The following PARP8 variants were observed in gnomAD, a reference collection of about 807,000 sequenced individuals.
PARP8 encodes the protein poly(ADP-ribose) polymerase family member 8, also known as protein mono-ADP-ribosyltransferase PARP8.
A neutral mutation model predicts 124.1 loss-of-function variants in PARP8; 51 were observed. The observed-to-expected ratio is 0.41, with a 90% CI of 0.33 to 0.52. The LOEUF (loss-of-function observed/expected upper bound fraction) is 0.52. Among genes scored for constraint, PARP8 ranks in the 20% least tolerant of loss-of-function variants. The pLI, the probability that PARP8 is intolerant of heterozygous loss-of-function variation, is 0.21. For missense variants in PARP8, 860 were observed against 1,018.9 expected, an observed-to-expected ratio of 0.84 and a Z score of 2.12; for synonymous variants, 391 against 361.5, an observed-to-expected ratio of 1.08 and a Z score of -0.93.
At chr5:50,737,526 A>G (rs1204214575) in intron 2 of PARP8, among the ~76,000 whole-genome samples, 1 of 152,192 alleles carries the variant, frequency 6.6e-6, no homozygotes, top group Non-Finnish European at 1.5e-5. Flanking sequence ...AATTAAATAT[A>G]GCTTAAAAAG....
intron 7 of PARP8, among the ~76,000 whole-genome samples, chr5:50,763,547 T>C (rs536994451): frequency 6.6e-6 from 1 of 152,104 alleles, no homozygotes; most frequent in East Asian, 1.9e-4. Flanking sequence ...CATGCTGTTA[T>C]CATAAATCAT....
intron 3 of PARP8, among the ~76,000 whole-genome samples, chr5:50,755,735 G>C (rs1403783636): frequency 2.6e-5 from 4 of 152,150 alleles, no homozygotes; most frequent in Admixed American, 2.0e-4. Context: ...TTGGTAGCTT[G>C]ATGGGGATGG....
intron 7 of PARP8, among the ~76,000 whole-genome samples, chr5:50,764,830 C>A: frequency 1.4e-5 from 2 of 143,730 alleles, no homozygotes; most frequent in African/African-American, 5.2e-5. Context: ...TTTTTTTTAA[C>A]AGTAATTGAA....
rs940680998 is a variant in PARP8 at position 50,844,033 on chromosome 5, T to A, written c.*1965T>A. ...TGACCTAATCCATTATGGCTTTACT[T>A]AACATTGGAGTGATCCGTAAAGAAT... On this transcript the variant is annotated 3_prime_UTR_variant, in exon 26 of 26. Coordinates refer to ENST00000281631, the MANE Select transcript of PARP8 (RefSeq NM_024615.4). 6.6e-6 allele frequency: 1 copy of A among 151,734 alleles called. No homozygotes were observed. The highest frequency in any genetic ancestry group is 1.5e-5 in the Non-Finnish European group (1 of 67,788). 9.4% of individuals were successfully genotyped at this position (151,734 alleles called of 1,614,324 possible).
chr5:50,806,970 G>A (rs1325513968), intron 14 of PARP8, among the ~76,000 whole-genome samples: 1 of 151,962 alleles, frequency 6.6e-6, no homozygotes, highest in Non-Finnish European at 1.5e-5. Flanking sequence ...TAGCCCACTG[G>A]TGATTAAACA....
chr5:50,717,927 A>G (rs1755488643), intron 2 of PARP8, among the ~76,000 whole-genome samples: 1 of 151,868 alleles, frequency 6.6e-6, no homozygotes, highest in African/African-American at 2.4e-5. Context: ...GCAGAAGCCC[A>G]GTTTGATTGG....
intron 7 of PARP8, among the ~76,000 whole-genome samples, chr5:50,768,455 T>C (rs781419002): frequency 2.6e-5 from 4 of 152,212 alleles, no homozygotes; most frequent in Non-Finnish European, 2.9e-5. Context: ...TGTCACTACA[T>C]GTCGGGAAAG....
chr5:50,839,141 G>A (rs1043856834), intron 25 of PARP8, among the ~76,000 whole-genome samples: 2 of 151,850 alleles, frequency 1.3e-5, no homozygotes, highest in African/African-American at 4.8e-5. Flanking sequence ...GAAATTTCCA[G>A]GCAGCTAAGT....
intron 2 of PARP8, among the ~76,000 whole-genome samples, chr5:50,672,308 C>G (rs2149433137): frequency 6.6e-6 from 1 of 152,328 alleles, no homozygotes; most frequent in Admixed American, 6.5e-5. Context: ...CTATGCGTTG[C>G]AGTTTCCCCA....
chr5:50,682,833 T>C (rs1260348539), intron 2 of PARP8, among the ~76,000 whole-genome samples: 1 of 152,170 alleles, frequency 6.6e-6, no homozygotes, highest in Non-Finnish European at 1.5e-5. Context: ...TTTCACAGGT[T>C]AGTAAACAGT....
intron 2 of PARP8, among the ~76,000 whole-genome samples, chr5:50,677,916 A>G (rs894746867): frequency 6.6e-6 from 1 of 150,532 alleles, no homozygotes; most frequent in Non-Finnish European, 1.5e-5. Context: ...ATTCTGATTT[A>G]CAGAAATTAA....
chr5:50,817,292 G>A (rs79706010), intron 15 of PARP8, among the ~76,000 whole-genome samples: 6,448 of 152,268 alleles, frequency 0.042, 439 homozygotes, highest in African/African-American at 0.15. Context: ...ATTTAGTGAT[G>A]TAATTCTAAA....
At chr5:50,698,880 A>G (rs1301901965) in intron 2 of PARP8, among the ~76,000 whole-genome samples, 1 of 152,214 alleles carries the variant, frequency 6.6e-6, no homozygotes, top group Non-Finnish European at 1.5e-5. Flanking sequence ...AATGTACCAA[A>G]TAAATGTATT....
At chr5:50,760,468 G>T in intron 5 of PARP8, 106 bp downstream of exon 5, 1 of 921,156 alleles carries the variant, frequency 1.1e-6, no homozygotes, top group Admixed American at 4.4e-5. Context: ...AATGGTATAT[G>T]GTGAATGAAA....
At position 50,828,417 on chromosome 5, in the gene PARP8, T is replaced by C. The variant is rs766155106; in HGVS notation, c.2163+33T>C. 2.6e-6 allele frequency: 4 copies of C among 1,566,404 alleles called. No individual in the cohort carries two copies. In the Admixed American group the frequency reaches 6.8e-5, roughly 27 times the overall value. On this transcript the variant is annotated intron_variant, in intron 21 of 25. Coordinates refer to ENST00000281631, the MANE Select transcript of PARP8 (RefSeq NM_024615.4). The stretch of plus-strand genomic sequence containing the variant: ...TTCTGAATGCTTTCACAAGACTTCA[T>C]TCTTCTTCAGAATTGAGATTCAGTA...
chr5:50,700,114 G>A (rs1371381154), intron 2 of PARP8, among the ~76,000 whole-genome samples: 4 of 151,986 alleles, frequency 2.6e-5, no homozygotes, highest in Non-Finnish European at 4.4e-5. Flanking sequence ...GAAAATAGTG[G>A]GATTTAAGTC....
chr5:50,754,622 T>G (rs1000259214), intron 3 of PARP8, among the ~76,000 whole-genome samples: 11 of 152,310 alleles, frequency 7.2e-5, no homozygotes, highest in South Asian at 6.2e-4. Context: ...TTTGCTATTG[T>G]GAATAGTGCT....
intron 2 of PARP8, among the ~76,000 whole-genome samples, chr5:50,728,520 A>C (rs1004517357): frequency 2.6e-5 from 4 of 152,040 alleles, no homozygotes; most frequent in African/African-American, 9.7e-5. Context: ...CCTTGTTTTC[A>C]TAGGAATCAC....
At chr5:50,727,776 C>T (rs1316193824) in intron 2 of PARP8, among the ~76,000 whole-genome samples, 6 of 152,154 alleles carry the variant, frequency 3.9e-5, no homozygotes, top group Non-Finnish European at 5.9e-5. Flanking sequence ...GTCCCATCAT[C>T]GCATCCTGCA....
Sources: gnomAD v4.1 joint callset for allele counts (sites outside exome capture counted in the v4.1 genomes callset) on GRCh38, gnomAD v4.1.1 for gene constraint, MANE v1.5 for transcripts, NCBI Gene and HGNC (gene_info 2026-07-23, HGNC 2026-07-21) for gene names.